RNASET2: variants seen among roughly 807,000 people sequenced by gnomAD.
RNASET2 encodes ribonuclease 6.
A neutral mutation model predicts 33.9 loss-of-function variants in RNASET2; 28 were observed. The ratio of observed to expected loss-of-function variants is 0.83; its 90% CI spans 0.61 to 1.13. The LOEUF (loss-of-function observed/expected upper bound fraction) is 1.13. Among genes scored for constraint, RNASET2 ranks in the 50% most tolerant of loss-of-function variants. The pLI is 0.00. For synonymous variants in RNASET2, 123 were observed against 121.0 expected (o/e 1.02, Z -0.11); for missense variants, 330 against 319.9 (o/e 1.03, Z -0.24).
At chr6:166,952,234 C>T (rs1234051688) in intron 2 of RNASET2, among the ~76,000 whole-genome samples, 1 of 152,236 alleles carries the variant, frequency 6.6e-6, no homozygotes, top group African/African-American at 2.4e-5. Flanking sequence ...GTTGAAACTT[C>T]CCCTTCCAGG....
At chr6:166,955,177 A>G (rs562486120) in intron 1 of RNASET2, among the ~76,000 whole-genome samples, 1 of 112,268 alleles carries the variant, frequency 8.9e-6, no homozygotes, top group African/African-American at 4.5e-5. Flanking sequence ...GGCGGCTGCC[A>G]CACACACACA....
intron 2 of RNASET2, among the ~76,000 whole-genome samples, chr6:166,951,173 G>A (rs1010570307): frequency 1.3e-5 from 2 of 148,194 alleles, no homozygotes; most frequent in African/African-American, 5.3e-5. Context: ...AGCGGAGGCG[G>A]AGAGAGAGAG....
Position 166,929,622 on chromosome 6 carries a change from A to T in RNASET2, c.737T>A (p.Val246Asp). ...GGTCTTTTTAGGTGGGGGATAGAAG[A>T]CTGGGCCATCTTCACAGACTCTCAG... is the stretch of plus-strand genomic sequence containing the variant. ...RGLRVCEDGP[V>D]FYPPPKKTKH Residue 246 changes from valine to aspartate, a missense_variant, in exon 9 of 9, where the codon GTC becomes GAC. Physicochemically the swap from Val to Asp is radical, Grantham distance 152. Coordinates refer to ENST00000508775, the MANE Select transcript of RNASET2 (RefSeq NM_003730.6). 1 of 1,614,102 alleles carries T rather than the reference A, an allele frequency of 6.2e-7. No individual in the cohort carries two copies. Among genetic ancestry groups the T allele is most frequent in the South Asian group, 1.1e-5 (1 of 91,074 alleles).
intron 4 of RNASET2, among the ~76,000 whole-genome samples, chr6:166,944,876 C>G (rs2128646052): frequency 6.6e-6 from 1 of 152,156 alleles, no homozygotes; most frequent in East Asian, 1.9e-4. Flanking sequence ...CAGGCCCACA[C>G]CTGTCAGCGC....
chr6:166,943,247 TTTG>T (rs1778736752), intron 4 of RNASET2, 158 bp from the exon 5 acceptor site: 1 of 604,468 alleles, frequency 1.7e-6, no homozygotes, highest in South Asian at 1.7e-5. Flanking sequence ...GTATGAAGTG[TTTG>T]TTAAGATATA....
chr6:166,936,795 C>T (rs945229084), intron 6 of RNASET2, among the ~76,000 whole-genome samples: 42 of 152,244 alleles, frequency 2.8e-4, no homozygotes, highest in Non-Finnish European at 3.4e-4. Context: ...AGCAGGAAAG[C>T]TACTGAGTTT....
chr6:166,949,767 C>T (rs1476376365), intron 2 of RNASET2, among the ~76,000 whole-genome samples: 1 of 152,168 alleles, frequency 6.6e-6, no homozygotes, highest in African/African-American at 2.4e-5. Flanking sequence ...GCAAAGCCTG[C>T]ACCACACGGG....
rs1292687176 is a variant in RNASET2, at chr6:166,955,217, ACACGCGCACACACG to A, written c.86+866_86+879del. ...CACACGCACGCACACACGCACGCAC[ACACGCGCACACACG>A]CACGCACGCACACACACGCACACAC... On this transcript the variant is annotated intron_variant, in intron 1 of 8. Transcript: ENST00000508775. 7.4e-4 allele frequency among the ~76,000 whole-genome samples: 66 copies of A among 88,618 alleles called. 1 individual carries two copies. Among genetic ancestry groups the A allele is most frequent in the African/African-American group, 3.4e-3 (53 of 15,420 alleles). 58.1% of individuals were successfully genotyped at this position (88,618 alleles called of 152,430 possible). A position where few individuals can be genotyped will look rare whatever the true frequency, so the allele number is the denominator to read the frequency against.
intron 1 of RNASET2, among the ~76,000 whole-genome samples, chr6:166,955,219 ACG>A (rs879717573): frequency 0.14 from 12,744 of 88,554 alleles, 713 homozygotes; most frequent in African/African-American, 0.19. Flanking sequence ...GCACGCACAC[ACG>A]CGCACACACG....
chr6:166,938,450 C>A, intron 6 of RNASET2: 1 of 483,046 alleles, frequency 2.1e-6, no homozygotes, highest in South Asian at 1.5e-5. Flanking sequence ...ATTTCTGGGG[C>A]TTAAAGAACC....
intron 8 of RNASET2, among the ~76,000 whole-genome samples, chr6:166,930,317 T>G (rs947894457): frequency 2.0e-5 from 3 of 148,938 alleles, no homozygotes; most frequent in Non-Finnish European, 4.5e-5. Flanking sequence ...CACACATGCA[T>G]GCTCACATAC....
chr6:166,955,274 CACACACG>C (rs1222240550), intron 1 of RNASET2, among the ~76,000 whole-genome samples: 16 of 84,966 alleles, frequency 1.9e-4, no homozygotes, highest in African/African-American at 5.7e-4. Context: ...CACACACGCG[CACACACG>C]ACACACACGC....
At chr6:166,950,916 C>T (rs1225050386) in intron 2 of RNASET2, among the ~76,000 whole-genome samples, 2 of 152,136 alleles carry the variant, frequency 1.3e-5, no homozygotes, top group Non-Finnish European at 2.9e-5. Flanking sequence ...TTTTTCTCCT[C>T]GTGTGGAGAC....
chr6:166,946,479 GA>G (rs1778848027), intron 4 of RNASET2, among the ~76,000 whole-genome samples: 1 of 152,236 alleles, frequency 6.6e-6, no homozygotes. Context: ...CAGGGCAGGG[GA>G]GGGGAGGAGA....
rs751250280 is a variant in RNASET2, at chr6:166,929,820, G to C, written c.568-29C>G. The C allele has an allele frequency of 1.0e-5, 16 of 1,589,388 alleles. No individual in the cohort carries two copies. In the African/African-American group the frequency reaches 1.9e-4, roughly 19 times the overall value. On this transcript the variant is annotated intron_variant, in intron 8 of 8. Transcript: ENST00000508775. ...AAAGTAAACAATGAAAGACGCTTTA[G>C]AATTCAGATCTTGGATTATCATCAA...
intron 3 of RNASET2, 161 bp downstream of exon 3, chr6:166,948,409 G>A (rs1400534736): frequency 2.8e-6 from 2 of 703,062 alleles, no homozygotes; most frequent in South Asian, 1.5e-5. Flanking sequence ...GAGAATCAGG[G>A]TTCTGCTAGA....
At chr6:166,954,426 T>A (rs1779057665) in intron 1 of RNASET2, among the ~76,000 whole-genome samples, 1 of 152,218 alleles carries the variant, frequency 6.6e-6, no homozygotes, top group Non-Finnish European at 1.5e-5. Context: ...CTTAACTGAT[T>A]TCTCCTGAAG....
intron 3 of RNASET2, among the ~76,000 whole-genome samples, chr6:166,947,768 A>G (rs1275457881): frequency 1.3e-5 from 2 of 152,206 alleles, no homozygotes; most frequent in African/African-American, 2.4e-5. Context: ...GCCCTTTTCA[A>G]TCCCGGCATC....
At chr6:166,948,941 G>A (rs556250361) in intron 2 of RNASET2, among the ~76,000 whole-genome samples, 4 of 152,234 alleles carry the variant, frequency 2.6e-5, no homozygotes, top group East Asian at 1.9e-4. Context: ...TGGGCCAGGC[G>A]CAGTGACTAA....
Sources: gnomAD v4.1 joint callset for allele counts (sites outside exome capture counted in the v4.1 genomes callset) on GRCh38, gnomAD v4.1.1 for gene constraint, MANE v1.5 for transcripts, NCBI Gene and HGNC (gene_info 2026-07-23, HGNC 2026-07-21) for gene names.